The following ZC3H18 variants were observed in gnomAD, a reference collection of about 807,000 sequenced individuals.
The protein encoded by ZC3H18 is zinc finger CCCH domain-containing protein 18.
A neutral mutation model predicts 106.1 loss-of-function variants in ZC3H18; 8 were observed. The observed-to-expected ratio is 0.08, with a 90% confidence interval of 0.04 to 0.14. ZC3H18 has a LOEUF of 0.14. ZC3H18 is among the 10% of genes least tolerant of loss of function. The pLI is 1.00. For synonymous variants in ZC3H18, 635 were observed against 522.1 expected, an observed-to-expected ratio of 1.22 and a Z score of -2.95; for missense variants, 1,318 against 1,278.4, an observed-to-expected ratio of 1.03 and a Z score of -0.47.
chr16:88,601,808 C>A (rs1197817271), intron 6 of ZC3H18, among the ~76,000 whole-genome samples: 1 of 152,144 alleles, frequency 6.6e-6, no homozygotes, highest in African/African-American at 2.4e-5. Flanking sequence ...CATGCCTCCC[C>A]CGAGACCTGG....
chr16:88,624,782 G>A (rs758397677), intron 12 of ZC3H18, 37 bp downstream of exon 12: 38 of 1,576,096 alleles, frequency 2.4e-5, no homozygotes, highest in Non-Finnish European at 2.3e-5. Flanking sequence ...CAGGCTTTCC[G>A]TGTTCTTGGT....
At chr16:88,628,152 A>G in intron 15 of ZC3H18, 33 bp downstream of exon 15, 1 of 1,607,358 alleles carries the variant, frequency 6.2e-7, no homozygotes. Context: ...TGGCTGCCCC[A>G]GCGTCTAGGC....
At chr16:88,597,317 T>G (rs1201728650) in intron 3 of ZC3H18, among the ~76,000 whole-genome samples, 2 of 152,252 alleles carry the variant, frequency 1.3e-5, no homozygotes, top group Non-Finnish European at 2.9e-5. Flanking sequence ...TATTATGTTG[T>G]ATTGAGTTGG....
Position 88,624,078 on chromosome 16 carries a change from G to A in ZC3H18, c.1898+16G>A. The A allele has an allele frequency of 6.2e-7, 1 of 1,605,204 alleles. No homozygotes were observed. The highest frequency in any genetic ancestry group is 8.5e-7 in the Non-Finnish European group (1 of 1,175,790). Reference sequence around the variant, plus strand: ...GGAAAGCAGGGTGAGTGCCCAGCCTGTGGGCAAGTCCTGGCCGGCCAGGCC... The same window carrying A: ...GGAAAGCAGGGTGAGTGCCCAGCCTATGGGCAAGTCCTGGCCGGCCAGGCC... On this transcript the variant is annotated intron_variant, in intron 11 of 17. Transcript: ENST00000301011.
chr16:88,577,053 A>G lies in ZC3H18; in HGVS notation c.-14-57A>G, dbSNP rs796640718. 1.1e-5 allele frequency: 16 copies of G among 1,494,194 alleles called. No individual in the cohort carries two copies. The African/African-American group carries it at 2.1e-4, about 20-fold the overall frequency. The allele number at this position is 1,494,194 out of a possible 1,614,324, so 92.6% of individuals were successfully genotyped here. ...GCTGCTTCAGGCCAGGAAAGTAGGG[A>G]CAAGGTTTGTTTTCCATTTTGCTAA... On this transcript the variant is annotated intron_variant, in intron 1 of 17. Coordinates refer to ENST00000301011, the MANE Select transcript of ZC3H18 (RefSeq NM_144604.4).
chr16:88,594,112 C>T (rs1904319594), intron 3 of ZC3H18, among the ~76,000 whole-genome samples: 1 of 152,156 alleles, frequency 6.6e-6, no homozygotes, highest in South Asian at 2.1e-4. Context: ...GTAATGTCCT[C>T]TCCTGCTTGA....
chr16:88,618,183 C>G (rs1312279616), intron 8 of ZC3H18, among the ~76,000 whole-genome samples: 2 of 152,160 alleles, frequency 1.3e-5, no homozygotes, highest in East Asian at 1.9e-4. Context: ...CCATTGGACT[C>G]CACTTTTTTT....
chr16:88,627,903 G>A lies in ZC3H18; in HGVS notation c.2270-17G>A, dbSNP rs995355040. ...AAATCACCAGTACCCCCATGACTGC[G>A]GATTTATCATTGGTAGGAAAATCTA... On this transcript the variant is annotated splice_polypyrimidine_tract_variant and intron_variant, in intron 14 of 17. Coordinates refer to ENST00000301011, the MANE Select transcript of ZC3H18 (RefSeq NM_144604.4). This position sits in a 1 kb window ranked among gnomAD's most constrained non-coding sequence, Gnocchi z 4.5. 7.4e-6 allele frequency: 12 copies of A among 1,613,620 alleles called. No homozygotes were observed. Among genetic ancestry groups the A allele is most frequent in the Middle Eastern group, 1.6e-4 (1 of 6,084 alleles).
chr16:88,578,642 G>T (rs982394286), intron 2 of ZC3H18, among the ~76,000 whole-genome samples: 1 of 152,098 alleles, frequency 6.6e-6, no homozygotes, highest in African/African-American at 2.4e-5. Flanking sequence ...CTGGGTTGAG[G>T]CAGGTAAAGG....
intron 7 of ZC3H18, among the ~76,000 whole-genome samples, chr16:88,610,162 A>G (rs62050309): frequency 0.26 from 40,117 of 152,060 alleles, 5,744 homozygotes; most frequent in Middle Eastern, 0.37. Context: ...AGAGTTTAGC[A>G]TATTGATGAG....
At chr16:88,625,012 G>C (rs1291397901) in intron 12 of ZC3H18, among the ~76,000 whole-genome samples, 190 bp from the exon 13 acceptor site, 2 of 152,186 alleles carry the variant, frequency 1.3e-5, no homozygotes, top group Non-Finnish European at 2.9e-5. Flanking sequence ...GGAAGGTGCT[G>C]CCCCCGAGAG....
intron 3 of ZC3H18, among the ~76,000 whole-genome samples, chr16:88,592,704 T>C (rs1215061603): frequency 6.6e-6 from 1 of 152,218 alleles, no homozygotes; most frequent in Non-Finnish European, 1.5e-5. Flanking sequence ...CTCGAACTCC[T>C]GACCTCAAAT....
At chr16:88,616,458 G>C (rs999542780) in intron 8 of ZC3H18, among the ~76,000 whole-genome samples, 2 of 152,196 alleles carry the variant, frequency 1.3e-5, no homozygotes, top group African/African-American at 2.4e-5. Flanking sequence ...GATTCATTCA[G>C]CCGGCTTCCG....
At chr16:88,611,736 G>A (rs1466277178) in intron 8 of ZC3H18, among the ~76,000 whole-genome samples, 200 bp downstream of exon 8, 1 of 152,220 alleles carries the variant, frequency 6.6e-6, no homozygotes, top group Non-Finnish European at 1.5e-5. Flanking sequence ...TCCCAAGGCC[G>A]TGACATCTGC....
At chr16:88,607,735 C>G (rs1905082405) in intron 6 of ZC3H18, among the ~76,000 whole-genome samples, 1 of 151,896 alleles carries the variant, frequency 6.6e-6, no homozygotes, top group South Asian at 2.1e-4. Flanking sequence ...CTTCATGTCT[C>G]TCAGGCATCT....
chr16:88,573,635 C>G (rs1177747462), intron 1 of ZC3H18, among the ~76,000 whole-genome samples: 3 of 151,892 alleles, frequency 2.0e-5, no homozygotes, highest in Non-Finnish European at 4.4e-5. Context: ...TGGACTCGAA[C>G]TCTTGGGCTC....
intron 8 of ZC3H18, among the ~76,000 whole-genome samples, chr16:88,613,937 A>AG (rs143935888): frequency 0.075 from 11,450 of 152,234 alleles, 504 homozygotes; most frequent in Middle Eastern, 0.11. Flanking sequence ...TCTCAAAAAA[A>AG]GGGGGGGTGT....
At chr16:88,629,090 G>A (rs1906503353) in intron 16 of ZC3H18, among the ~76,000 whole-genome samples, 1 of 152,270 alleles carries the variant, frequency 6.6e-6, no homozygotes, top group Admixed American at 6.5e-5. Context: ...TATAATCCCA[G>A]CACTTTGGGA....
At chr16:88,622,141 G>T (rs187945775) in intron 8 of ZC3H18, 56 bp from the exon 9 acceptor site, 2 of 1,549,176 alleles carry the variant, frequency 1.3e-6, no homozygotes, top group Non-Finnish European at 1.8e-6. Flanking sequence ...GTCACACCTG[G>T]CATTGCTGTG....
Sources: gnomAD v4.1 joint callset for allele counts (sites outside exome capture counted in the v4.1 genomes callset) on GRCh38, gnomAD v4.1.1 for gene constraint, Gnocchi (gnomAD v3.1) non-coding constraint, MANE v1.5 for transcripts, NCBI Gene and HGNC (gene_info 2026-07-23, HGNC 2026-07-21) for gene names.